Variants in PRDM16 observed in about 807,000 individuals in gnomAD.
The protein encoded by PRDM16 is PR/SET domain 16, also known as histone-lysine N-methyltransferase PRDM16.
A neutral mutation model predicts 110.6 loss-of-function variants in PRDM16; 23 were observed. The ratio of observed to expected loss-of-function variants is 0.21; its 90% CI spans 0.15 to 0.29. PRDM16 has a LOEUF of 0.29. Ranked by LOEUF, PRDM16 falls within the 10% of genes least tolerant of loss-of-function variation. The pLI is 1.00. For synonymous variants in PRDM16, 799 were observed against 781.8 expected (o/e 1.02, Z -0.37); for missense variants, 1,615 against 1,794.3 (o/e 0.90, Z 1.81).
At chr1:3,215,649 C>T (rs935423081) in intron 2 of PRDM16, among the ~76,000 whole-genome samples, 19 of 152,214 alleles carry the variant, frequency 1.2e-4, no homozygotes, top group African/African-American at 4.3e-4. Flanking sequence ...CTCCTCTGCA[C>T]GGTGGCTCCA....
At chr1:3,233,196 C>G (rs981610991) in intron 2 of PRDM16, among the ~76,000 whole-genome samples, 27 of 152,202 alleles carry the variant, frequency 1.8e-4, no homozygotes, top group African/African-American at 6.3e-4. Context: ...CTGCCCCCTG[C>G]CCAGGGTGGG....
At chr1:3,151,662 G>C (rs1484433741) in intron 1 of PRDM16, among the ~76,000 whole-genome samples, 1 of 152,248 alleles carries the variant, frequency 6.6e-6, no homozygotes, top group Non-Finnish European at 1.5e-5. Flanking sequence ...GTTCTGGGAG[G>C]CCGCCCACAG....
At chr1:3,374,484 G>A (rs1642958967) in intron 3 of PRDM16, among the ~76,000 whole-genome samples, 1 of 152,208 alleles carries the variant, frequency 6.6e-6, no homozygotes, top group Admixed American at 6.5e-5. Context: ...CGTGTCCCCA[G>A]AGGAAGGTCC....
intron 3 of PRDM16, among the ~76,000 whole-genome samples, chr1:3,313,441 G>T (rs1468339960): frequency 6.6e-6 from 1 of 152,212 alleles, no homozygotes; most frequent in Non-Finnish European, 1.5e-5. Context: ...AAAGTAGCCT[G>T]AGAGTGATCC....
chr1:3,400,083 C>T (rs1643442071), intron 5 of PRDM16, among the ~76,000 whole-genome samples: 2 of 152,216 alleles, frequency 1.3e-5, no homozygotes, highest in Admixed American at 1.3e-4. Flanking sequence ...AGGCTCACCT[C>T]GCTTTCCCCA....
chr1:3,069,333 G>A lies in PRDM16; in HGVS notation c.37+37G>A. The A allele has an allele frequency of 9.2e-7, 1 of 1,089,882 alleles. No individual in the cohort carries two copies. The highest frequency in any genetic ancestry group is 1.1e-6 in the Non-Finnish European group (1 of 886,868). 67.5% of individuals were successfully genotyped at this position (1,089,882 alleles called of 1,614,324 possible). Reference sequence around the variant, plus strand: ...GCGCTCGGCCGCGCCGCGCCGCCGGGGCCCGGGCCGCCGGGCCGGGGCGCC... The same window carrying A: ...GCGCTCGGCCGCGCCGCGCCGCCGGAGCCCGGGCCGCCGGGCCGGGGCGCC... On this transcript the variant is annotated intron_variant, in intron 1 of 16. Transcript: ENST00000270722. This position sits in a 1 kb window ranked among gnomAD's most constrained non-coding sequence, Gnocchi z 6.1.
chr1:3,270,558 A>C (rs1407648506), intron 3 of PRDM16, among the ~76,000 whole-genome samples: 1 of 148,556 alleles, frequency 6.7e-6, no homozygotes, highest in Admixed American at 6.6e-5. Flanking sequence ...GACAGTCAAG[A>C]GGAGCATAGT....
rs181165848 is a variant in PRDM16, at chr1:3,143,108, G to A, written c.38-43017G>A. Among the ~76,000 whole-genome samples, 115 of 152,340 alleles carry A rather than the reference G, an allele frequency of 7.5e-4. No individual in the cohort carries two copies. The East Asian group carries it at 0.011, about 15-fold the overall frequency. On this transcript the variant is annotated intron_variant, in intron 1 of 16. Transcript: ENST00000270722. The surrounding 1 kb of genome is among the most constrained non-coding windows in gnomAD (Gnocchi z 4.5). Reference sequence around the variant, plus strand: ...AAGCCTGAGCTCTGTCTTTTCAGTCGCCTGTCATTTAAAATGAAAGTAAGA... The same window carrying A: ...AAGCCTGAGCTCTGTCTTTTCAGTCACCTGTCATTTAAAATGAAAGTAAGA...
At chr1:3,407,610 C>G (rs1427881789) in intron 8 of PRDM16, among the ~76,000 whole-genome samples, 1 of 152,198 alleles carries the variant, frequency 6.6e-6, no homozygotes, top group African/African-American at 2.4e-5. Context: ...ACGTGGAGTT[C>G]TATAGCAAGC....
intron 1 of PRDM16, among the ~76,000 whole-genome samples, chr1:3,129,899 T>C (rs2817177): frequency 0.56 from 85,421 of 152,100 alleles, 26,834 homozygotes; most frequent in African/African-American, 0.86. Flanking sequence ...TACTTCCCGC[T>C]TTTGCTTTCC....
At chr1:3,409,829 G>GTA in intron 8 of PRDM16, among the ~76,000 whole-genome samples, 1 of 147,918 alleles carries the variant, frequency 6.8e-6, no homozygotes, top group African/African-American at 2.5e-5. Context: ...GTGTGGTTGT[G>GTA]TGTGGGTGTG....
At chr1:3,308,259 AGACTC>A (rs1641358565) in intron 3 of PRDM16, 1 of 152,232 alleles carries the variant, frequency 6.6e-6, no homozygotes, top group African/African-American at 2.4e-5. Context: ...GCCCCGCTGG[AGACTC>A]CACGCCACAG....
chr1:3,181,064 T>C (rs1185311671), intron 1 of PRDM16, among the ~76,000 whole-genome samples: 1 of 148,044 alleles, frequency 6.8e-6, no homozygotes, highest in African/African-American at 2.5e-5. Flanking sequence ...ACACGCGGTC[T>C]TACACACCCG....
intron 3 of PRDM16, among the ~76,000 whole-genome samples, chr1:3,310,326 G>A (rs572365401): frequency 3.1e-3 from 475 of 152,200 alleles, no homozygotes; most frequent in African/African-American, 4.4e-3. Flanking sequence ...CTTGGGAGTC[G>A]AGTGCCCCCC....
intron 3 of PRDM16, among the ~76,000 whole-genome samples, chr1:3,275,505 C>G (rs1640562221): frequency 6.6e-6 from 1 of 152,180 alleles, no homozygotes; most frequent in Non-Finnish European, 1.5e-5. Flanking sequence ...TCCGGACAAA[C>G]AGTTGTCAGG....
At chr1:3,193,370 A>G (rs1051502059) in intron 2 of PRDM16, among the ~76,000 whole-genome samples, 1 of 152,218 alleles carries the variant, frequency 6.6e-6, no homozygotes, top group Non-Finnish European at 1.5e-5. Flanking sequence ...AGGCTGCCTC[A>G]TGGCTCTGGG....
chr1:3,071,469 G>C (rs2100518525), intron 1 of PRDM16, among the ~76,000 whole-genome samples: 1 of 152,378 alleles, frequency 6.6e-6, no homozygotes, highest in Admixed American at 6.5e-5. Flanking sequence ...ACACTTGGCC[G>C]AGCGCTGGGA....
chr1:3,306,572 G>A (rs528152941), intron 3 of PRDM16: 1 of 152,324 alleles, frequency 6.6e-6, no homozygotes, highest in Admixed American at 6.5e-5. Flanking sequence ...TTCTCCTGCA[G>A]ACAGATTTGG....
intron 15 of PRDM16, 81 bp downstream of exon 15, chr1:3,431,189 A>T: frequency 6.7e-7 from 1 of 1,499,914 alleles, no homozygotes; most frequent in Non-Finnish European, 8.9e-7. Context: ...CTCTTCAGCC[A>T]CTCGTGAGCC....
Sources: allele counts gnomAD v4.1 joint callset (sites outside exome capture counted in the v4.1 genomes callset), GRCh38; gene constraint gnomAD v4.1.1; non-coding constraint Gnocchi (gnomAD v3.1); transcripts MANE v1.5; gene names NCBI Gene and HGNC (gene_info 2026-07-23, HGNC 2026-07-21).